The following TLL1 variants were observed in gnomAD, a reference collection of about 807,000 sequenced individuals.
The protein encoded by TLL1 is tolloid-like protein 1.
TLL1 carries 49 observed loss-of-function variants against 128.2 expected under a neutral mutation model. The ratio of observed to expected loss-of-function variants is 0.38; its 90% CI spans 0.30 to 0.48. TLL1 has a LOEUF of 0.48. Among genes scored for constraint, TLL1 ranks in the 20% least tolerant of loss-of-function variants. The pLI is 0.96. For synonymous variants in TLL1, 454 were observed against 418.8 expected, an observed-to-expected ratio of 1.08 and a Z score of -1.03; for missense variants, 1,123 against 1,242.0, an observed-to-expected ratio of 0.90 and a Z score of 1.44.
intron 1 of TLL1, among the ~76,000 whole-genome samples, chr4:165,963,102 C>A (rs961096754): frequency 1.0e-4 from 14 of 133,896 alleles, no homozygotes; most frequent in African/African-American, 4.1e-4. Context: ...ACATTAGGTA[C>A]TCATGAATGT....
intron 1 of TLL1, among the ~76,000 whole-genome samples, chr4:165,899,987 C>T (rs923977143): frequency 6.7e-6 from 1 of 150,002 alleles, no homozygotes; most frequent in African/African-American, 2.4e-5. Flanking sequence ...TTCTTTGTCT[C>T]TTTTGATCTT....
chr4:166,009,862 T>G (rs929300005), intron 7 of TLL1, among the ~76,000 whole-genome samples: 5 of 151,368 alleles, frequency 3.3e-5, no homozygotes, highest in Non-Finnish European at 7.4e-5. Flanking sequence ...TCCTAACCAT[T>G]TTAGGCATAC....
chr4:165,970,854 G>A (rs913088694), intron 1 of TLL1, among the ~76,000 whole-genome samples: 1 of 152,146 alleles, frequency 6.6e-6, no homozygotes, highest in Non-Finnish European at 1.5e-5. Context: ...AATAAATTGA[G>A]TCTTGTCCCA....
chr4:165,903,702 C>T (rs1395903406), intron 1 of TLL1, among the ~76,000 whole-genome samples: 3 of 151,038 alleles, frequency 2.0e-5, no homozygotes, highest in Non-Finnish European at 4.4e-5. Context: ...TAAGCCACTG[C>T]GCCCAGCAGA....
At chr4:166,057,444 C>A in intron 14 of TLL1, 135 bp downstream of exon 14, 2 of 1,322,678 alleles carry the variant, frequency 1.5e-6, no homozygotes, top group Non-Finnish European at 2.1e-6. Flanking sequence ...AGACTCAATT[C>A]ACAGTCACAG....
At chr4:165,934,598 A>G (rs1733682198) in intron 1 of TLL1, among the ~76,000 whole-genome samples, 1 of 152,162 alleles carries the variant, frequency 6.6e-6, no homozygotes, top group South Asian at 2.1e-4. Flanking sequence ...GGCACTGAGG[A>G]AGAGATTCAC....
chr4:166,035,829 T>C (rs1738972126), intron 9 of TLL1, among the ~76,000 whole-genome samples: 2 of 152,136 alleles, frequency 1.3e-5, no homozygotes, highest in South Asian at 4.1e-4. Context: ...GGTAAAGGAA[T>C]GGTCCCGATA....
chr4:165,939,754 G>A (rs1456693592), intron 1 of TLL1, among the ~76,000 whole-genome samples: 1 of 150,928 alleles, frequency 6.6e-6, no homozygotes, highest in African/African-American at 2.5e-5. Context: ...CTAGATTTTG[G>A]TTTCTTGTTT....
At chr4:165,904,472 CAA>C (rs945579496) in intron 1 of TLL1, among the ~76,000 whole-genome samples, 5 of 152,134 alleles carry the variant, frequency 3.3e-5, no homozygotes, top group African/African-American at 1.2e-4. Flanking sequence ...ATATTTTGCC[CAA>C]AGTGTGTACC....
At chr4:166,060,980 C>A (rs969019377) in intron 15 of TLL1, among the ~76,000 whole-genome samples, 1 of 152,154 alleles carries the variant, frequency 6.6e-6, no homozygotes, top group Non-Finnish European at 1.5e-5. Flanking sequence ...TTTCTCCCAA[C>A]AACGTTTTTA....
rs369737195 is a variant in TLL1 at position 165,951,929 on chromosome 4, A to G, written c.170-37452A>G. ...TGATCTTAAAAGAGAGCACAGTGCT[A>G]GAGCACTACTAATCTACTTTGTACC... is the stretch of plus-strand genomic sequence containing the variant. On this transcript the variant is annotated intron_variant, in intron 1 of 20. Transcript: ENST00000061240. Among the ~76,000 whole-genome samples the G allele has an allele frequency of 7.2e-5, 11 of 152,312 alleles. 1 individual carries two copies. Among genetic ancestry groups the G allele is most frequent in the Admixed American group, 5.2e-4 (8 of 15,282 alleles).
intron 7 of TLL1, among the ~76,000 whole-genome samples, chr4:166,008,667 G>A (rs1391193975): frequency 1.3e-5 from 2 of 151,446 alleles, no homozygotes; most frequent in African/African-American, 4.8e-5. Flanking sequence ...ATAAATTTGG[G>A]TTTTGATCTA....
intron 9 of TLL1, among the ~76,000 whole-genome samples, chr4:166,037,132 A>C (rs1053007438): frequency 2.0e-5 from 3 of 152,206 alleles, no homozygotes; most frequent in Admixed American, 6.5e-5. Flanking sequence ...TAGGGAAAAC[A>C]TAAATGCAAA....
chr4:165,943,374 T>C (rs77717264), intron 1 of TLL1, among the ~76,000 whole-genome samples: 1,657 of 152,184 alleles, frequency 0.011, 13 homozygotes, highest in South Asian at 0.021. Flanking sequence ...TTATAAACCT[T>C]CTGAGAGAGC....
intron 8 of TLL1, among the ~76,000 whole-genome samples, chr4:166,015,958 T>C (rs1579626874): frequency 6.6e-6 from 1 of 152,016 alleles, no homozygotes; most frequent in Non-Finnish European, 1.5e-5. Flanking sequence ...TAAAGCTGTA[T>C]GTAAAACTTT....
At chr4:165,889,673 T>C (rs1022863192) in intron 1 of TLL1, among the ~76,000 whole-genome samples, 1 of 152,226 alleles carries the variant, frequency 6.6e-6, no homozygotes, top group Non-Finnish European at 1.5e-5. Flanking sequence ...GTGAGGTGGA[T>C]TGGAAATATG....
At chr4:166,012,792 T>G (rs1737757845) in intron 7 of TLL1, among the ~76,000 whole-genome samples, 1 of 151,784 alleles carries the variant, frequency 6.6e-6, no homozygotes, top group African/African-American at 2.4e-5. Flanking sequence ...TCCTGTCTTT[T>G]CAGACAATGT....
intron 12 of TLL1, among the ~76,000 whole-genome samples, chr4:166,050,476 A>T (rs181466419): frequency 1.3e-5 from 2 of 152,312 alleles, no homozygotes. Flanking sequence ...GTATTGCTAG[A>T]TCATATGGTA....
At chr4:165,989,664 T>TTTC (rs1736547404) in intron 2 of TLL1, among the ~76,000 whole-genome samples, 173 bp downstream of exon 2, 2 of 17,040 alleles carry the variant, frequency 1.2e-4, no homozygotes, top group African/African-American at 1.5e-4. Context: ...ATTTTATTAA[T>TTTC]TTTTTTTTTT....
Sources: allele counts gnomAD v4.1 joint callset (sites outside exome capture counted in the v4.1 genomes callset), GRCh38; gene constraint gnomAD v4.1.1; transcripts MANE v1.5; gene names NCBI Gene and HGNC (gene_info 2026-07-23, HGNC 2026-07-21).